Variants in GREM2 observed in about 807,000 individuals in gnomAD.
The protein encoded by GREM2 is gremlin 2, DAN family BMP antagonist, also known as gremlin-2.
Under a neutral mutation model 14.2 loss-of-function variants are expected in GREM2, and 11 were observed. The observed-to-expected ratio is 0.78, with a 90% CI of 0.49 to 1.28. The LOEUF (loss-of-function observed/expected upper bound fraction) is 1.28, where lower values mean the gene tolerates loss of function less well. Ranked by LOEUF, GREM2 falls within the 50% of genes most tolerant of loss-of-function variation. The pLI, the probability that GREM2 is intolerant of heterozygous loss-of-function variation, is 0.00. For missense variants in GREM2, 210 were observed against 218.5 expected (o/e 0.96, Z 0.24); for synonymous variants, 98 against 97.6 (o/e 1.00, Z -0.02).
intron 1 of GREM2, among the ~76,000 whole-genome samples, chr1:240,497,233 G>T (rs1007347775): frequency 6.6e-6 from 1 of 152,018 alleles, no homozygotes; most frequent in African/African-American, 2.4e-5. Context: ...GGCTCAAGAA[G>T]CATTCTTTTT....
intron 1 of GREM2, among the ~76,000 whole-genome samples, chr1:240,579,260 A>G (rs895413405): frequency 3.3e-5 from 5 of 152,212 alleles, no homozygotes; most frequent in African/African-American, 4.8e-5. Context: ...TTTGCAGTTC[A>G]ATCTCTGACC....
intron 1 of GREM2, among the ~76,000 whole-genome samples, chr1:240,515,663 G>T (rs1558145231): frequency 3.3e-5 from 5 of 152,148 alleles, no homozygotes; most frequent in Admixed American, 3.3e-4. Context: ...AGGGGTCATT[G>T]CAAAATATTG....
intron 1 of GREM2, among the ~76,000 whole-genome samples, chr1:240,611,144 T>C (rs1204094103): frequency 1.3e-5 from 2 of 152,204 alleles, no homozygotes; most frequent in East Asian, 3.8e-4. Flanking sequence ...ATCAATATTT[T>C]CTTACAACTA....
At chr1:240,571,906 G>C (rs1368633271) in intron 1 of GREM2, among the ~76,000 whole-genome samples, 5 of 152,060 alleles carry the variant, frequency 3.3e-5, no homozygotes. Flanking sequence ...CCAAACGCCA[G>C]AGCTGGGCTG....
At chr1:240,584,202 T>G (rs530335096) in intron 1 of GREM2, among the ~76,000 whole-genome samples, 6 of 151,968 alleles carry the variant, frequency 3.9e-5, no homozygotes, top group African/African-American at 1.4e-4. Flanking sequence ...CTACAAAAAA[T>G]TTTTTAAAAT....
intron 1 of GREM2, among the ~76,000 whole-genome samples, chr1:240,597,889 G>A (rs1273785903): frequency 6.6e-6 from 1 of 152,010 alleles, no homozygotes; most frequent in African/African-American, 2.4e-5. Context: ...AGCTACTGAG[G>A]GGTTTACACA....
intron 1 of GREM2, among the ~76,000 whole-genome samples, chr1:240,596,698 A>G (rs1679825017): frequency 6.6e-6 from 1 of 151,876 alleles, no homozygotes. Flanking sequence ...CTCTGTCAAA[A>G]AAAAAAAAAC....
At chr1:240,573,246 C>T (rs888737691) in intron 1 of GREM2, among the ~76,000 whole-genome samples, 6 of 152,054 alleles carry the variant, frequency 3.9e-5, no homozygotes, top group Non-Finnish European at 8.8e-5. Context: ...GAGGATCACT[C>T]GAGCTCAGGA....
intron 1 of GREM2, among the ~76,000 whole-genome samples, chr1:240,595,444 C>T (rs1419640729): frequency 6.6e-6 from 1 of 152,202 alleles, no homozygotes; most frequent in Non-Finnish European, 1.5e-5. Context: ...CTTTCCTGCA[C>T]CCCCTCCTCC....
chr1:240,563,094 CGTGTATGT>C lies in GREM2; in HGVS notation c.-2+48782_-2+48789del, dbSNP rs766139471. On this transcript the variant is annotated intron_variant, in intron 1 of 1. Transcript: ENST00000318160. Reference sequence around the variant, plus strand: ...GTGTGTATATGTGAGTGTGTGTATGCGTGTATGTGTGTATGTGTGTATATGTGAGTGTG... The same window carrying C: ...GTGTGTATATGTGAGTGTGTGTATGCGTGTATGTGTGTATATGTGAGTGTG... Among the ~76,000 whole-genome samples, 569 of 88,074 alleles carry C rather than the reference CGTGTATGT, an allele frequency of 6.5e-3. 3 individuals are homozygous for C. The highest frequency in any genetic ancestry group is 0.041 in the East Asian group (123 of 3,024). The allele number at this position is 88,074 out of a possible 152,430, so 57.8% of individuals were successfully genotyped here.
intron 1 of GREM2, among the ~76,000 whole-genome samples, chr1:240,554,427 A>G (rs1176547701): frequency 6.6e-6 from 1 of 151,890 alleles, no homozygotes; most frequent in Non-Finnish European, 1.5e-5. Context: ...AAAAAAAAAA[A>G]GATGAGGTCT....
intron 1 of GREM2, among the ~76,000 whole-genome samples, chr1:240,608,473 A>G (rs1346831110): frequency 6.6e-6 from 1 of 152,186 alleles, no homozygotes; most frequent in African/African-American, 2.4e-5. Context: ...AATTGCATAA[A>G]AGCAGAGAGA....
At chr1:240,571,446 C>A (rs1332076374) in intron 1 of GREM2, among the ~76,000 whole-genome samples, 2 of 152,302 alleles carry the variant, frequency 1.3e-5, no homozygotes, top group South Asian at 2.1e-4. Context: ...GTAATCCCAG[C>A]ACTTTGGGAG....
intron 1 of GREM2, among the ~76,000 whole-genome samples, chr1:240,510,243 G>A (rs896082065): frequency 1.5e-4 from 22 of 151,706 alleles, no homozygotes; most frequent in South Asian, 4.2e-4. Context: ...GGTGGCGGGC[G>A]CCTGTAGTCC....
chr1:240,496,305 C>T (rs1489834003), intron 1 of GREM2, among the ~76,000 whole-genome samples: 6 of 152,138 alleles, frequency 3.9e-5, no homozygotes, highest in Non-Finnish European at 7.4e-5. Context: ...CAGCCTCCTC[C>T]GTCCTCTCTC....
chr1:240,517,614 A>T (rs1677981135), intron 1 of GREM2, among the ~76,000 whole-genome samples: 1 of 152,324 alleles, frequency 6.6e-6, no homozygotes, highest in South Asian at 2.1e-4. Flanking sequence ...TGAACAATCA[A>T]ATTATCTTAA....
At chr1:240,515,302 G>A (rs571030858) in intron 1 of GREM2, among the ~76,000 whole-genome samples, 18 of 152,040 alleles carry the variant, frequency 1.2e-4, no homozygotes, top group African/African-American at 4.1e-4. Flanking sequence ...AATTAATTGG[G>A]TACTAATTTC....
At chr1:240,499,720 G>T (rs955648898) in intron 1 of GREM2, among the ~76,000 whole-genome samples, 1 of 152,174 alleles carries the variant, frequency 6.6e-6, no homozygotes, top group Non-Finnish European at 1.5e-5. Flanking sequence ...CTTACCCCCA[G>T]CTTCTATAAA....
At chr1:240,576,884 C>T (rs574674857) in intron 1 of GREM2, among the ~76,000 whole-genome samples, 39 of 152,212 alleles carry the variant, frequency 2.6e-4, no homozygotes, top group African/African-American at 8.9e-4. Context: ...TTAAAACAAC[C>T]ACATAATTAA....
Sources: allele counts gnomAD v4.1 joint callset (sites outside exome capture counted in the v4.1 genomes callset), GRCh38; gene constraint gnomAD v4.1.1; transcripts MANE v1.5; gene names NCBI Gene and HGNC (gene_info 2026-07-23, HGNC 2026-07-21).